RGS12: variants seen among roughly 807,000 people sequenced by gnomAD.
The protein encoded by RGS12 is regulator of G-protein signaling 12.
A neutral mutation model predicts 120.1 loss-of-function variants in RGS12; 66 were observed. The observed-to-expected ratio is 0.55, with a 90% CI of 0.45 to 0.67. The LOEUF (loss-of-function observed/expected upper bound fraction) is 0.67. Among genes scored for constraint, RGS12 ranks in the 30% least tolerant of loss-of-function variants. The probability of loss-of-function intolerance (pLI) is 0.00; values close to 1 mark genes in which losing one functional copy is unlikely to be tolerated. For synonymous variants in RGS12, 827 were observed against 804.7 expected, an observed-to-expected ratio of 1.03 and a Z score of -0.47; for missense variants, 1,859 against 1,957.7, an observed-to-expected ratio of 0.95 and a Z score of 0.95.
chr4:3,290,440 G>T (rs1722982930), upstream of RGS12, among the ~76,000 whole-genome samples: 1 of 151,992 alleles, frequency 6.6e-6, no homozygotes, highest in Admixed American at 6.5e-5. Flanking sequence ...CCTACTCTAA[G>T]AACCTCCTAT....
rs1717481475 is a variant in RGS12, at chr4:3,374,966, G to C, written c.1999-11450G>C. Reference sequence around the variant, plus strand: ...CTCGCCACGTCATGGGGGCTCAGCAGATGCTTTGCCAAGTGAGTGGGAGCG... The same window carrying C: ...CTCGCCACGTCATGGGGGCTCAGCACATGCTTTGCCAAGTGAGTGGGAGCG... On this transcript the variant is annotated intron_variant, in intron 3 of 17. Coordinates refer to ENST00000336727, the MANE Select transcript of RGS12 (RefSeq NM_001394154.1). The surrounding 1 kb of genome is among the most constrained non-coding windows in gnomAD (Gnocchi z 6.3). 6.6e-6 allele frequency among the ~76,000 whole-genome samples: 1 copy of C among 152,228 alleles called. No individual in the cohort carries two copies. The highest frequency in any genetic ancestry group is 2.4e-5 in the African/African-American group (1 of 41,460).
intron 3 of RGS12, among the ~76,000 whole-genome samples, chr4:3,352,207 C>T (rs114386272): frequency 0.031 from 4,725 of 152,222 alleles, 230 homozygotes; most frequent in African/African-American, 0.1. Flanking sequence ...GGTCTTTTAT[C>T]ATCCGAGACA....
chr4:3,297,311 C>T lies in RGS12; in HGVS notation c.-102+4212C>T, dbSNP rs73077119. Among the ~76,000 whole-genome samples the T allele has an allele frequency of 8.0e-3, 1,218 of 152,288 alleles. 19 individuals are homozygous for T. Among genetic ancestry groups the T allele is most frequent in the African/African-American group, 0.028 (1,162 of 41,564 alleles). The stretch of plus-strand genomic sequence containing the variant: ...GGCTGAGTCTGTGGATTGAAGCGTC[C>T]AGTTGTAGGCATTCTCCTGCCCTGC... On this transcript the variant is annotated intron_variant, in intron 1 of 17. Transcript: ENST00000336727.
chr4:3,410,701 G>A (rs1056784963), intron 4 of RGS12, among the ~76,000 whole-genome samples: 60 of 152,322 alleles, frequency 3.9e-4, no homozygotes, highest in African/African-American at 1.1e-3. Context: ...CACTGCCATC[G>A]TGATCTTGGC....
At chr4:3,357,401 T>C (rs567633686) in intron 3 of RGS12, among the ~76,000 whole-genome samples, 25 of 152,308 alleles carry the variant, frequency 1.6e-4, no homozygotes, top group South Asian at 4.1e-4. Flanking sequence ...AATTTATCTA[T>C]TTTTTCATTT....
At chr4:3,290,414 C>T (rs1321424608), upstream of RGS12, among the ~76,000 whole-genome samples, 1 of 152,198 alleles carries the variant, frequency 6.6e-6, no homozygotes, top group Non-Finnish European at 1.5e-5. Flanking sequence ...TTCTACTATC[C>T]GTCTCTATAA....
At chr4:3,345,574 T>G (rs1713712723) in intron 3 of RGS12, among the ~76,000 whole-genome samples, 1 of 152,150 alleles carries the variant, frequency 6.6e-6, no homozygotes, top group Admixed American at 6.6e-5. Context: ...TTAGCCACAT[T>G]TGAGCAACCA....
chr4:3,437,164 T>C (rs1724889590), intron 17 of RGS12, among the ~76,000 whole-genome samples: 2 of 152,146 alleles, frequency 1.3e-5, no homozygotes, highest in Non-Finnish European at 2.9e-5. Flanking sequence ...GTCACAGGCC[T>C]GGGGCTGGCT....
intron 2 of RGS12, among the ~76,000 whole-genome samples, chr4:3,326,176 TCAGG>T (rs1725542039): frequency 6.6e-6 from 1 of 152,200 alleles, no homozygotes; most frequent in African/African-American, 2.4e-5. Context: ...GCCAGAGCAG[TCAGG>T]CAAGAGGAAT....
the RGS12 span, among the ~76,000 whole-genome samples, chr4:3,287,243 A>G: frequency 6.6e-6 from 1 of 152,112 alleles, no homozygotes; most frequent in East Asian, 1.9e-4. Flanking sequence ...AACATTTCCG[A>G]TGTCATTTTC....
At chr4:3,295,258 G>A (rs1021581865) in intron 1 of RGS12, among the ~76,000 whole-genome samples, 13 of 152,310 alleles carry the variant, frequency 8.5e-5, no homozygotes, top group Admixed American at 2.6e-4. Flanking sequence ...GCTAGTCAGC[G>A]CTTCCGGCTG....
chr4:3,298,208 A>G (rs1673339442), intron 1 of RGS12, among the ~76,000 whole-genome samples: 1 of 152,146 alleles, frequency 6.6e-6, no homozygotes, highest in Admixed American at 6.5e-5. Flanking sequence ...TTTCAGTCTG[A>G]GGATAGAAGT....
chr4:3,321,800 T>C (rs930548602), intron 2 of RGS12, among the ~76,000 whole-genome samples: 2 of 152,232 alleles, frequency 1.3e-5, no homozygotes, highest in Non-Finnish European at 2.9e-5. Flanking sequence ...GTCCTTGGCT[T>C]AGGCACTCGC....
chr4:3,392,104 A>AG (rs1267239057), intron 4 of RGS12, among the ~76,000 whole-genome samples: 2 of 152,190 alleles, frequency 1.3e-5, no homozygotes, highest in Non-Finnish European at 2.9e-5. Context: ...AAATGATTTA[A>AG]GGAAAAGGTC....
chr4:3,439,382 C>T (rs370309735), intron 17 of RGS12, 73 bp from the exon 18 acceptor site: 50 of 1,468,208 alleles, frequency 3.4e-5, no homozygotes, highest in Middle Eastern at 1.8e-4. Flanking sequence ...CAGGGGCCTT[C>T]GGGGTAGGGG....
chr4:3,398,488 A>C (rs908403613), intron 4 of RGS12, among the ~76,000 whole-genome samples: 5 of 152,224 alleles, frequency 3.3e-5, no homozygotes, highest in Non-Finnish European at 7.3e-5. Context: ...ACAAACAACA[A>C]TAAGTGACAA....
chr4:3,338,208 G>A (rs116085193), intron 2 of RGS12, among the ~76,000 whole-genome samples: 2,858 of 152,302 alleles, frequency 0.019, 71 homozygotes, highest in African/African-American at 0.061. Context: ...TTACAGGCAT[G>A]TGCCACCATG....
chr4:3,370,423 G>A (rs1256568588), intron 3 of RGS12: 16 of 1,100,084 alleles, frequency 1.5e-5, no homozygotes, highest in Non-Finnish European at 2.1e-5. Context: ...ACCTGCAAAT[G>A]CTTGTAAGGA....
rs1467264568 is a variant in RGS12, at chr4:3,390,724, C to T, written c.2020+4287C>T. 6.6e-6 allele frequency among the ~76,000 whole-genome samples: 1 copy of T among 152,238 alleles called. No individual in the cohort carries two copies. The highest frequency in any genetic ancestry group is 1.5e-5 in the Non-Finnish European group (1 of 68,052). ...CCGATCTCTTGGGGCAAGTCACTTT[C>T]TCTCTCCTAGCCTTGTGTCTTCATC... On this transcript the variant is annotated intron_variant, in intron 4 of 17. Coordinates refer to ENST00000336727, the MANE Select transcript of RGS12 (RefSeq NM_001394154.1). This position sits in a 1 kb window ranked among gnomAD's most constrained non-coding sequence, Gnocchi z 4.6.
Sources: gnomAD v4.1 joint callset for allele counts (sites outside exome capture counted in the v4.1 genomes callset) on GRCh38, gnomAD v4.1.1 for gene constraint, Gnocchi (gnomAD v3.1) non-coding constraint, MANE v1.5 for transcripts, NCBI Gene and HGNC (gene_info 2026-07-23, HGNC 2026-07-21) for gene names.